Variants in CNTN6 observed in about 807,000 individuals in gnomAD.
CNTN6 encodes the protein contactin-6.
In CNTN6, 137 loss-of-function variants were observed where a neutral mutation model predicts 122.8. That is an observed-to-expected ratio of 1.12 (90% CI 0.97 to 1.29). The LOEUF (loss-of-function observed/expected upper bound fraction) is 1.29, where lower values mean the gene tolerates loss of function less well. CNTN6 is among the 50% of genes most tolerant of loss of function. The pLI, the probability that CNTN6 is intolerant of heterozygous loss-of-function variation, is 0.00. For missense variants in CNTN6, 1,634 were observed against 1,223.4 expected (o/e 1.34, Z -5.01); for synonymous variants, 570 against 426.0 (o/e 1.34, Z -4.16).
chr3:1,329,680 A>G, intron 10 of CNTN6, 105 bp from the exon 11 acceptor site: 7 of 898,048 alleles, frequency 7.8e-6, no homozygotes, highest in Non-Finnish European at 1.1e-5. Flanking sequence ...TGAAAAGAGG[A>G]TACAGCTATA....
At position 1,404,095 on chromosome 3, in the gene CNTN6, A is replaced by T. The variant is rs962114963; in HGVS notation, c.*677A>T. 1.3e-5 allele frequency: 2 copies of T among 152,204 alleles called. No individual in the cohort carries two copies. The highest frequency in any genetic ancestry group is 6.6e-5 in the Admixed American group (1 of 15,262). 9.4% of individuals were successfully genotyped at this position (152,204 alleles called of 1,614,324 possible). A position where few individuals can be genotyped will look rare whatever the true frequency, so the allele number is the denominator to read the frequency against. On this transcript the variant is annotated 3_prime_UTR_variant, in exon 23 of 23. Coordinates refer to ENST00000446702, the MANE Select transcript of CNTN6 (RefSeq NM_001289080.2). ...CTTCTAACAACTCTGGTATATATTA[A>T]GCAATTGCTCATGGCAAAGTTGAAC...
chr3:1,217,194 G>T (rs562720905), intron 2 of CNTN6, among the ~76,000 whole-genome samples: 1 of 152,262 alleles, frequency 6.6e-6, no homozygotes, highest in Admixed American at 6.5e-5. Flanking sequence ...TAGCTCTATG[G>T]TCTTTCCAAC....
At chr3:1,187,894 T>C (rs917815874) in intron 2 of CNTN6, among the ~76,000 whole-genome samples, 1 of 152,146 alleles carries the variant, frequency 6.6e-6, no homozygotes, top group Non-Finnish European at 1.5e-5. Context: ...GTATGGTTGG[T>C]TGGGCAGTCT....
chr3:1,218,848 C>A (rs2094165516), intron 2 of CNTN6, among the ~76,000 whole-genome samples: 1 of 152,080 alleles, frequency 6.6e-6, no homozygotes, highest in South Asian at 2.1e-4. Flanking sequence ...TAAAGGAAGC[C>A]AGGTTGTTTT....
At chr3:1,289,094 T>C (rs774809987) in intron 5 of CNTN6, among the ~76,000 whole-genome samples, 4 of 152,164 alleles carry the variant, frequency 2.6e-5, no homozygotes, top group African/African-American at 9.7e-5. Flanking sequence ...AAAAATTCAA[T>C]GGTTTCAACC....
chr3:1,193,856 T>C (rs2093736570), intron 2 of CNTN6, among the ~76,000 whole-genome samples: 1 of 152,148 alleles, frequency 6.6e-6, no homozygotes, highest in Admixed American at 6.6e-5. Context: ...AATACAGTGA[T>C]CTTAAGTGTT....
chr3:1,214,805 A>G (rs962691714), intron 2 of CNTN6, among the ~76,000 whole-genome samples: 1 of 152,122 alleles, frequency 6.6e-6, no homozygotes, highest in African/African-American at 2.4e-5. Context: ...CACCCAGGCT[A>G]TAGTACAGCA....
At chr3:1,200,314 G>A (rs944121421) in intron 2 of CNTN6, among the ~76,000 whole-genome samples, 5 of 152,188 alleles carry the variant, frequency 3.3e-5, no homozygotes, top group East Asian at 1.9e-4. Context: ...GACTACAGGC[G>A]TAAGCCACCG....
At chr3:1,163,242 G>C (rs543739523) in intron 2 of CNTN6, among the ~76,000 whole-genome samples, 3 of 152,178 alleles carry the variant, frequency 2.0e-5, no homozygotes, top group African/African-American at 7.2e-5. Flanking sequence ...GTAATTATGA[G>C]TGAATTGCTC....
At chr3:1,104,209 A>G (rs1362927546) in intron 1 of CNTN6, among the ~76,000 whole-genome samples, 1 of 152,016 alleles carries the variant, frequency 6.6e-6, no homozygotes, top group Non-Finnish European at 1.5e-5. Flanking sequence ...GTCTCACCTG[A>G]CAAATGAGCA....
At chr3:1,288,199 A>C (rs1177087097) in intron 5 of CNTN6, among the ~76,000 whole-genome samples, 1 of 152,188 alleles carries the variant, frequency 6.6e-6, no homozygotes, top group Non-Finnish European at 1.5e-5. Context: ...TTTAACTGTC[A>C]TTCATAGGCC....
intron 6 of CNTN6, among the ~76,000 whole-genome samples, chr3:1,297,662 G>T: frequency 2.1e-5 from 3 of 144,860 alleles, no homozygotes. Flanking sequence ...TTATTAATCA[G>T]ATCTGGCTCT....
At chr3:1,155,259 G>A (rs556245056) in intron 2 of CNTN6, among the ~76,000 whole-genome samples, 1 of 152,312 alleles carries the variant, frequency 6.6e-6, no homozygotes, top group South Asian at 2.1e-4. Context: ...AGTCGTATAA[G>A]TGGCTGCATC....
At chr3:1,402,178 A>G (rs1176948689) in intron 21 of CNTN6, 140 bp from the exon 22 acceptor site, 1 of 596,618 alleles carries the variant, frequency 1.7e-6, no homozygotes, top group Non-Finnish European at 2.7e-6. Context: ...ATATAAGGAA[A>G]AGACATCACT....
In CNTN6 at chr3:1,329,832, G is replaced by C; in HGVS notation, c.1261G>C (p.Val421Leu). 1 of 1,609,756 alleles carries C rather than the reference G, an allele frequency of 6.2e-7. No individual in the cohort carries two copies. Among genetic ancestry groups the C allele is most frequent in the Non-Finnish European group, 8.5e-7 (1 of 1,177,802 alleles). ...SKSPVKKKSF[V>L]QVGGDIVIGC... ...AAGTCCAGTTAAAAAAAAGTCTTTT[G>C]TTCAAGTTGGTGGGGATATTGTTAT... Residue 421 changes from valine to leucine, a missense_variant, in exon 11 of 23, where the codon GTT becomes CTT. Physicochemically the swap from Val to Leu is conservative, Grantham distance 32. Transcript: ENST00000446702.
chr3:1,222,091 C>T (rs2094214775), intron 3 of CNTN6, among the ~76,000 whole-genome samples: 1 of 152,136 alleles, frequency 6.6e-6, no homozygotes, highest in South Asian at 2.1e-4. Context: ...ACTTCAGTGT[C>T]TTCTTTTTAC....
At chr3:1,242,777 C>T (rs2094503505) in intron 4 of CNTN6, among the ~76,000 whole-genome samples, 4 of 151,940 alleles carry the variant, frequency 2.6e-5, no homozygotes, top group Non-Finnish European at 4.4e-5. Flanking sequence ...AATATCTCGG[C>T]CTAATAAGGG....
At chr3:1,332,568 AAGAAAG>A (rs1702473298) in intron 11 of CNTN6, among the ~76,000 whole-genome samples, 1 of 150,658 alleles carries the variant, frequency 6.6e-6, no homozygotes, top group Non-Finnish European at 1.5e-5. Context: ...GGGGGAAAGA[AAGAAAG>A]AGAGAGAGGA....
chr3:1,182,563 G>C (rs371700702), intron 2 of CNTN6, among the ~76,000 whole-genome samples: 19 of 149,898 alleles, frequency 1.3e-4, no homozygotes, highest in African/African-American at 4.4e-4. Context: ...TCTGTATTAA[G>C]AAAAAGGCAA....
Sources: gnomAD v4.1 joint callset for allele counts (sites outside exome capture counted in the v4.1 genomes callset) on GRCh38, gnomAD v4.1.1 for gene constraint, MANE v1.5 for transcripts, NCBI Gene and HGNC (gene_info 2026-07-23, HGNC 2026-07-21) for gene names.